The following KRTAP10-9 variants were observed in gnomAD, a reference collection of about 807,000 sequenced individuals.
The protein encoded by KRTAP10-9 is keratin associated protein 10-9, also known as keratin-associated protein 10-9.
A neutral mutation model predicts 0.5 loss-of-function variants in KRTAP10-9; 1 was observed. That is an observed-to-expected ratio of 1.92 (90% CI 0.68 to 9.09). KRTAP10-9 has a LOEUF of 9.09. KRTAP10-9 is among the 30% of genes most tolerant of loss of function. The pLI is 0.13. For missense variants in KRTAP10-9, 391 were observed against 376.4 expected (o/e 1.04, Z -0.32); for synonymous variants, 199 against 159.8 (o/e 1.25, Z -1.85).
Position 44,627,476 on chromosome 21 carries a change from C to T in KRTAP10-9, c.305C>T (p.Pro102Leu). ...CCCTGCCAGCAGGCCTGCTGCGTGC[C>T]CGTCTGCTGCAAGCCTGTGTGCTGC... ...SSPCQQACCV[P>L]VCCKPVCCVP... The change falls in exon 1 of 1, where the codon CCC becomes CTC. Residue 102 changes from proline (P) to leucine (L), a missense_variant. Transcript: ENST00000397911. 6.5e-7 allele frequency: 1 copy of T among 1,543,338 alleles called. No homozygotes were observed. Among genetic ancestry groups the T allele is most frequent in the Non-Finnish European group, 8.7e-7 (1 of 1,144,482 alleles).
At position 44,628,220 on chromosome 21, in the gene KRTAP10-9, C is replaced by G. The variant is rs1214997764; in HGVS notation, c.*170C>G. 1.0e-5 allele frequency: 8 copies of G among 762,718 alleles called. No homozygotes were observed. Among genetic ancestry groups the G allele is most frequent in the East Asian group, 2.7e-5 (1 of 37,168 alleles). The allele number at this position is 762,718 out of a possible 1,614,324, so 47.2% of individuals were successfully genotyped here. On this transcript the variant is annotated 3_prime_UTR_variant, in exon 1 of 1. Coordinates refer to ENST00000397911, the MANE Select transcript of KRTAP10-9 (RefSeq NM_198690.3). ...CACTGGCTCCTCCCTGACCTCCCCC[C>G]CGGGCAGGCGAGCCCTGGCTTCTCC...
exon 1 of KRTAP10-9, chr21:44,627,223 C>T (rs1982862102): frequency 6.2e-7 from 1 of 1,612,918 alleles, no homozygotes; most frequent in Admixed American, 1.7e-5. Flanking sequence ...CGACTCCTGG[C>T]AGGTGGACGA....
In KRTAP10-9 at chr21:44,627,746, G is replaced by A. The variant is rs782594387; in HGVS notation, c.575G>A (p.Cys192Tyr). The change falls in exon 1 of 1, where the codon TGC becomes TAC. Residue 192 changes from cysteine to tyrosine, a missense_variant. By Grantham distance (194) the Cys-to-Tyr change is radical. Transcript: ENST00000397911. ...YCVPVCCKPV[C>Y]CKPICCVPVC... ...GTGCCTGTCTGCTGTAAGCCTGTCT[G>A]CTGCAAACCCATCTGCTGTGTGCCT... 12 of 1,595,396 alleles carry A rather than the reference G, an allele frequency of 7.5e-6. No individual in the cohort carries two copies. Among genetic ancestry groups the A allele is most frequent in the Admixed American group, 5.2e-5 (3 of 57,732 alleles).
In KRTAP10-9 at chr21:44,628,034, A is replaced by G. The variant is rs200449748; in HGVS notation, c.863A>G (p.Gln288Arg). The G allele has an allele frequency of 6.6e-5, 106 of 1,612,656 alleles. No homozygotes were observed. Among genetic ancestry groups the G allele is most frequent in the Admixed American group, 1.0e-4 (6 of 59,978 alleles). The change falls in exon 1 of 1, where the codon CAG (glutamine) becomes CGG (arginine). Residue 288 changes from glutamine (Q) to arginine (R), a missense_variant. Transcript: ENST00000397911. ...GCCTGCTACAGCTTCTCCTCAGGCC[A>G]GAAGTCCAGCTGCTGACGGTCATGT... is the stretch of plus-strand genomic sequence containing the variant. ...RPACYSFSSG[Q>R]KSSC
In KRTAP10-9 at chr21:44,628,237, G is replaced by A; in HGVS notation, c.*187G>A. ...CCTCCCCCCCGGGCAGGCGAGCCCT[G>A]GCTTCTCCTCACGGTGCTTCCTGGC... is the stretch of plus-strand genomic sequence containing the variant. On this transcript the variant is annotated 3_prime_UTR_variant, in exon 1 of 1. Transcript: ENST00000397911. The A allele has an allele frequency of 4.7e-6, 3 of 643,656 alleles. No homozygotes were observed. The highest frequency in any genetic ancestry group is 7.9e-6 in the Non-Finnish European group (3 of 382,024). 39.9% of individuals were successfully genotyped at this position (643,656 alleles called of 1,614,324 possible).
Position 44,627,919 on chromosome 21 carries a change from T to C in KRTAP10-9, c.748T>C (p.Cys250Arg), listed in dbSNP as rs377362989. ...RPACCVPVSS[C>R]CAPTSSRQPS... is the part of the protein sequence containing the mutation. ...CGCCTGCTGCGTGCCCGTCTCCTCCTGCTGTGCCCCCACCTCCTCCCGCCA... is the reference window on the plus strand; with the variant it reads ...CGCCTGCTGCGTGCCCGTCTCCTCCCGCTGTGCCCCCACCTCCTCCCGCCA... The change falls in exon 1 of 1, where the codon TGC becomes CGC. Residue 250 changes from cysteine to arginine, a missense_variant. Physicochemically the swap from Cys to Arg is radical, Grantham distance 180. Coordinates refer to ENST00000397911, the MANE Select transcript of KRTAP10-9 (RefSeq NM_198690.3). 5 of 1,519,852 alleles carry C rather than the reference T, an allele frequency of 3.3e-6. No homozygotes were observed. In the African/African-American group the frequency reaches 6.9e-5, roughly 21 times the overall value. The allele number at this position is 1,519,852 out of a possible 1,614,324, so 94.1% of individuals were successfully genotyped here.
rs782515726 is a variant in KRTAP10-9 at position 44,627,282 on chromosome 21, C to T, written c.111C>T (p.Cys37=). Residue 37 remains cysteine (C), a synonymous_variant, in exon 1 of 1, where the codon TGC becomes TGT. Coordinates refer to ENST00000397911, the MANE Select transcript of KRTAP10-9 (RefSeq NM_198690.3). ...CEPPCCATSC[C]APAPCLTLVC... ...CCCCCTGCTGCGCCACCAGCTGCTGCGCCCCGGCCCCCTGCCTGACCCTGG... is the reference window on the plus strand; with the variant it reads ...CCCCCTGCTGCGCCACCAGCTGCTGTGCCCCGGCCCCCTGCCTGACCCTGG... 68 of 1,612,372 alleles carry T rather than the reference C, an allele frequency of 4.2e-5. No individual in the cohort carries two copies. In the East Asian group the frequency reaches 9.8e-4, roughly 23 times the overall value.
rs1182418375 is a variant in KRTAP10-9, at chr21:44,627,185, C to T, written c.14C>T (p.Thr5Ile). 8.7e-6 allele frequency: 14 copies of T among 1,612,862 alleles called. No individual in the cohort carries two copies. Among genetic ancestry groups the T allele is most frequent in the Non-Finnish European group, 1.1e-5 (13 of 1,179,860 alleles). The change falls in exon 1 of 1, where the codon ACC (threonine) becomes ATC (isoleucine). Residue 5 changes from threonine to isoleucine, a missense_variant. Coordinates refer to ENST00000397911, the MANE Select transcript of KRTAP10-9 (RefSeq NM_198690.3). ...CCCCACCCCAGCATGGCCGCGTCCACCATGTCCATCCGCTCCAGCGCTTAC... is the reference window on the plus strand; with the variant it reads ...CCCCACCCCAGCATGGCCGCGTCCATCATGTCCATCCGCTCCAGCGCTTAC... MAAS[T>I]MSIRSSAYSD...
In KRTAP10-9 at chr21:44,627,403, T is replaced by C. The variant is rs1982894860; in HGVS notation, c.232T>C (p.Ser78Pro). The change falls in exon 1 of 1, where the codon TCG becomes CCG. Residue 78 changes from serine to proline, a missense_variant. Ser to Pro is a moderately conservative substitution (Grantham distance 74). Transcript: ENST00000397911. ...AGGCTGCACCAGCTCCTGCACGCCC[T>C]CGTGCTGCCAGCAGTCTAGCTGCCA... ...QSGCTSSCTP[S>P]CCQQSSCQPA... The C allele has an allele frequency of 1.2e-6, 2 of 1,613,706 alleles. No individual in the cohort carries two copies. The highest frequency in any genetic ancestry group is 1.7e-6 in the Non-Finnish European group (2 of 1,179,888).
Position 44,627,579 on chromosome 21 carries a change from C to T in KRTAP10-9, c.408C>T (p.Cys136=). The T allele has an allele frequency of 6.2e-7, 1 of 1,613,528 alleles. No individual in the cohort carries two copies. The highest frequency in any genetic ancestry group is 2.2e-5 in the East Asian group (1 of 44,864). Reference sequence around the variant, plus strand: ...CAGCTTGCTGTGCCTCTTCCTCCTGCCAGCCGGCCTGCTGTGTGCCCGTCT... The same window carrying T: ...CAGCTTGCTGTGCCTCTTCCTCCTGTCAGCCGGCCTGCTGTGTGCCCGTCT... The part of the protein sequence containing the change: ...YQPACCASSS[C]QPACCVPVCC... Residue 136 remains cysteine (C), a synonymous_variant, in exon 1 of 1, where the codon TGC becomes TGT. Coordinates refer to ENST00000397911, the MANE Select transcript of KRTAP10-9 (RefSeq NM_198690.3).
Position 44,628,144 on chromosome 21 carries a change from C to T in KRTAP10-9, c.*94C>T. ...CACCCAGCCTCAGCACAGCTCAACA[C>T]AGAAGGAGCAGCCCCAGCCACAGCC... On this transcript the variant is annotated 3_prime_UTR_variant, in exon 1 of 1. Coordinates refer to ENST00000397911, the MANE Select transcript of KRTAP10-9 (RefSeq NM_198690.3). 9 of 1,438,884 alleles carry T rather than the reference C, an allele frequency of 6.3e-6. No individual in the cohort carries two copies. The highest frequency in any genetic ancestry group is 8.5e-6 in the Non-Finnish European group (9 of 1,057,342). The allele number at this position is 1,438,884 out of a possible 1,614,324, so 89.1% of individuals were successfully genotyped here.
chr21:44,627,909 C>G lies in KRTAP10-9; in HGVS notation c.738C>G (p.Pro246=). 1 of 1,521,124 alleles carries G rather than the reference C, an allele frequency of 6.6e-7. No homozygotes were observed. Among genetic ancestry groups the G allele is most frequent in the South Asian group, 1.2e-5 (1 of 81,984 alleles). The allele number at this position is 1,521,124 out of a possible 1,614,324, so 94.2% of individuals were successfully genotyped here. ...RPVCRPACCV[P]VSSCCAPTSS... ...TGTGCAGGCCCGCCTGCTGCGTGCCCGTCTCCTCCTGCTGTGCCCCCACCT... is the reference window on the plus strand; with the variant it reads ...TGTGCAGGCCCGCCTGCTGCGTGCCGGTCTCCTCCTGCTGTGCCCCCACCT... Residue 246 remains proline (P), a synonymous_variant, in exon 1 of 1, where the codon CCC becomes CCG. Transcript: ENST00000397911.
At position 44,627,430 on chromosome 21, in the gene KRTAP10-9, C is replaced by A. The variant is rs782385339; in HGVS notation, c.259C>A (p.Pro87Thr). ...GTGCTGCCAGCAGTCTAGCTGCCAG[C>A]CGGCTTACTGCACCTCCTCCCCCTG... ...PSCCQQSSCQPAYCTSSPCQQ... is the reference protein window; with the variant it reads ...PSCCQQSSCQTAYCTSSPCQQ... The change falls in exon 1 of 1, where the codon CCG (proline) becomes ACG (threonine). Residue 87 changes from proline to threonine, a missense_variant. Pro to Thr is a conservative substitution (Grantham distance 38). Coordinates refer to ENST00000397911, the MANE Select transcript of KRTAP10-9 (RefSeq NM_198690.3). 1.2e-6 allele frequency: 2 copies of A among 1,613,626 alleles called. No homozygotes were observed. The highest frequency in any genetic ancestry group is 1.7e-6 in the Non-Finnish European group (2 of 1,179,750).
rs367772666 is a variant in KRTAP10-9 at position 44,627,764 on chromosome 21, G to A, written c.593G>A (p.Cys198Tyr). 142 of 1,599,922 alleles carry A rather than the reference G, an allele frequency of 8.9e-5. No individual in the cohort carries two copies. The highest frequency in any genetic ancestry group is 1.1e-4 in the Non-Finnish European group (131 of 1,171,232). Reference protein sequence around the residue: ...CKPVCCKPICCVPVCSGASSL... With the variant: ...CKPVCCKPICYVPVCSGASSL... ...CCTGTCTGCTGCAAACCCATCTGCTGTGTGCCTGTCTGCTCTGGGGCTTCC... is the reference window on the plus strand; with the variant it reads ...CCTGTCTGCTGCAAACCCATCTGCTATGTGCCTGTCTGCTCTGGGGCTTCC... The change falls in exon 1 of 1, where the codon TGT becomes TAT. Residue 198 changes from cysteine (C) to tyrosine (Y), a missense_variant. Transcript: ENST00000397911.
Position 44,627,765 on chromosome 21 carries a change from T to C in KRTAP10-9, c.594T>C (p.Cys198=), listed in dbSNP as rs782585766. 6.3e-7 allele frequency: 1 copy of C among 1,599,864 alleles called. No individual in the cohort carries two copies. The highest frequency in any genetic ancestry group is 2.2e-5 in the East Asian group (1 of 44,614). ...CKPVCCKPIC[C]VPVCSGASSL... is the part of the protein sequence containing the mutation. Reference sequence around the variant, plus strand: ...CTGTCTGCTGCAAACCCATCTGCTGTGTGCCTGTCTGCTCTGGGGCTTCCT... The same window carrying C: ...CTGTCTGCTGCAAACCCATCTGCTGCGTGCCTGTCTGCTCTGGGGCTTCCT... Residue 198 remains cysteine (C), a synonymous_variant, in exon 1 of 1, where the codon TGT becomes TGC. Coordinates refer to ENST00000397911, the MANE Select transcript of KRTAP10-9 (RefSeq NM_198690.3).
In KRTAP10-9 at chr21:44,627,106, C is replaced by T. The variant is rs782536568; in HGVS notation, c.-66C>T. ...CCCAAGAACCTCACACACTCACAAA[C>T]TCACTCACTGACACACTCACACACT... On this transcript the variant is annotated 5_prime_UTR_variant, in exon 1 of 1. Coordinates refer to ENST00000397911, the MANE Select transcript of KRTAP10-9 (RefSeq NM_198690.3). 2.5e-4 allele frequency: 395 copies of T among 1,574,146 alleles called. 1 individual carries two copies. Among genetic ancestry groups the T allele is most frequent in the Non-Finnish European group, 3.3e-4 (382 of 1,158,292 alleles).
rs1983008136 is a variant in KRTAP10-9, at chr21:44,628,190, A to T, written c.*140A>T. 12 of 1,052,096 alleles carry T rather than the reference A, an allele frequency of 1.1e-5. No individual in the cohort carries two copies. Among genetic ancestry groups the T allele is most frequent in the Non-Finnish European group, 1.5e-5 (11 of 734,728 alleles). 65.2% of individuals were successfully genotyped at this position (1,052,096 alleles called of 1,614,324 possible). On this transcript the variant is annotated 3_prime_UTR_variant, in exon 1 of 1. Transcript: ENST00000397911. ...CAGCCGCCCAGCCCCGGGGTCTCAGATGCTCACTGGCTCCTCCCTGACCTC... is the reference window on the plus strand; with the variant it reads ...CAGCCGCCCAGCCCCGGGGTCTCAGTTGCTCACTGGCTCCTCCCTGACCTC...
chr21:44,627,831 C>T lies in KRTAP10-9; in HGVS notation c.660C>T (p.Cys220=), dbSNP rs1219528002. ...CQQSGCQPAC[C]TTSCCRPSSS... is the part of the protein sequence containing the mutation. ...AGTCTGGCTGCCAGCCGGCTTGCTG[C>T]ACCACCTCCTGCTGCAGACCCTCCT... is the stretch of plus-strand genomic sequence containing the variant. The change falls in exon 1 of 1, where the codon TGC becomes TGT. Residue 220 remains cysteine (C), a synonymous_variant. Transcript: ENST00000397911. The T allele has an allele frequency of 6.8e-6, 11 of 1,613,878 alleles. No individual in the cohort carries two copies. The East Asian group carries it at 1.1e-4, about 16-fold the overall frequency.
At position 44,627,256 on chromosome 21, in the gene KRTAP10-9, C is replaced by A. The variant is rs200057010; in HGVS notation, c.85C>A (p.Pro29Thr). 1.5e-4 allele frequency: 240 copies of A among 1,612,514 alleles called. No homozygotes were observed. The highest frequency in any genetic ancestry group is 1.7e-4 in the Non-Finnish European group (200 of 1,179,980). Residue 29 changes from proline to threonine, a missense_variant, in exon 1 of 1, where the codon CCC (proline) becomes ACC (threonine). Physicochemically the swap from Pro to Thr is conservative, Grantham distance 38. Transcript: ENST00000397911. ...CGACTGCCCAGAGAGCTGCTGTGAG[C>A]CCCCCTGCTGCGCCACCAGCTGCTG... ...VDDCPESCCE[P>T]PCCATSCCAP...
Sources: gnomAD v4.1 joint callset for allele counts on GRCh38, gnomAD v4.1.1 for gene constraint, MANE v1.5 for transcripts, NCBI Gene and HGNC (gene_info 2026-07-23, HGNC 2026-07-21) for gene names.